Variants in LRP1B observed in about 807,000 individuals in gnomAD.
LRP1B encodes the protein low-density lipoprotein receptor-related protein 1B.
In LRP1B, 217 loss-of-function variants were observed where a neutral mutation model predicts 556.6. The observed-to-expected ratio is 0.39, with a 90% CI of 0.35 to 0.44. The LOEUF (loss-of-function observed/expected upper bound fraction) is 0.44. LRP1B is among the 20% of genes least tolerant of loss of function. The pLI, the probability that LRP1B is intolerant of heterozygous loss-of-function variation, is 1.00. For missense variants in LRP1B, 5,053 were observed against 5,620.8 expected, an observed-to-expected ratio of 0.90 and a Z score of 3.23; for synonymous variants, 2,047 against 1,865.8, an observed-to-expected ratio of 1.10 and a Z score of -2.50.
At chr2:141,432,709 G>A (rs954255126) in intron 3 of LRP1B, among the ~76,000 whole-genome samples, 1 of 151,880 alleles carries the variant, frequency 6.6e-6, no homozygotes, top group African/African-American at 2.4e-5. Context: ...GTTCATGATG[G>A]TTCTTATAAT....
intron 35 of LRP1B, among the ~76,000 whole-genome samples, chr2:140,722,453 A>G (rs1023507411): frequency 6.6e-6 from 1 of 152,198 alleles, no homozygotes; most frequent in African/African-American, 2.4e-5. Context: ...TCTAGAATCT[A>G]TACTTTTTTC....
intron 1 of LRP1B, among the ~76,000 whole-genome samples, chr2:141,944,866 T>C (rs748629364): frequency 2.6e-5 from 4 of 152,176 alleles, no homozygotes; most frequent in Non-Finnish European, 5.9e-5. Flanking sequence ...GGTATGTGTA[T>C]ATACCTTATT....
chr2:140,851,537 T>C, intron 28 of LRP1B, 115 bp downstream of exon 28: 4 of 1,192,262 alleles, frequency 3.4e-6, no homozygotes, highest in Non-Finnish European at 4.7e-6. Flanking sequence ...AAAATATTTT[T>C]GAAAACAGAA....
chr2:140,492,715 A>T, intron 56 of LRP1B, 22 bp from the exon 57 acceptor site: 13 of 1,497,824 alleles, frequency 8.7e-6, no homozygotes, highest in Non-Finnish European at 1.2e-5. Context: ...CACAAATAAC[A>T]TATTAGACTT....
intron 43 of LRP1B, among the ~76,000 whole-genome samples, chr2:140,575,149 A>G (rs1288796016): frequency 6.6e-6 from 1 of 152,144 alleles, no homozygotes; most frequent in South Asian, 2.1e-4. Context: ...GTCCTGAACT[A>G]AGTGTATAGA....
intron 6 of LRP1B, among the ~76,000 whole-genome samples, chr2:141,212,249 ATTT>A (rs59699046): frequency 6.4e-5 from 4 of 62,226 alleles, no homozygotes; most frequent in African/African-American, 2.6e-4. Flanking sequence ...AAAAGTCTAG[ATTT>A]TTTTTTTTTT....
At position 140,541,804 on chromosome 2, in the gene LRP1B, T is replaced by A. The variant is rs757993157; in HGVS notation, c.7362A>T (p.Ile2454=). The A allele has an allele frequency of 6.2e-7, 1 of 1,611,948 alleles. No individual in the cohort carries two copies. Residue 2454 remains isoleucine (I), a synonymous_variant, in exon 44 of 91, where the codon ATA becomes ATT. Coordinates refer to ENST00000389484, the MANE Select transcript of LRP1B (RefSeq NM_018557.3). ...SDIPHQPMGI[I]AVANDTNSCE... ...AGCTATTGGTGTCATTGGCAACAGC[T>A]ATGATTCCCATTGGCTGATGTGGAA...
Position 141,058,971 on chromosome 2 carries a change from G to T in LRP1B, c.1320C>A (p.Asn440Lys), listed in dbSNP as rs1699262590. Reference protein sequence around the residue: ...NSDNYNIVRINRFNGTDIHSL... With the variant: ...NSDNYNIVRIKRFNGTDIHSL... ...AGTGAATATCAGTCCCATTAAATCG[G>T]TTTATCCTTACGATATTGTAGTTAT... is the stretch of plus-strand genomic sequence containing the variant. Residue 440 changes from asparagine (N) to lysine (K), a missense_variant, in exon 9 of 91, where the codon AAC becomes AAA. By Grantham distance (94) the Asn-to-Lys change is moderately conservative. Coordinates refer to ENST00000389484, the MANE Select transcript of LRP1B (RefSeq NM_018557.3). 5 of 1,597,404 alleles carry T rather than the reference G, an allele frequency of 3.1e-6. No individual in the cohort carries two copies. The highest frequency in any genetic ancestry group is 2.3e-5 in the South Asian group (2 of 88,016).
intron 85 of LRP1B, among the ~76,000 whole-genome samples, chr2:140,271,113 ACGC>A (rs1392685502): frequency 6.6e-6 from 1 of 151,964 alleles, no homozygotes; most frequent in East Asian, 1.9e-4. Context: ...ACTGGGAAAA[ACGC>A]AGACATTTTT....
intron 18 of LRP1B, among the ~76,000 whole-genome samples, chr2:140,956,602 T>C (rs1415773167): frequency 2.0e-5 from 3 of 151,896 alleles, no homozygotes; most frequent in East Asian, 1.9e-4. Context: ...TTGGTACTTA[T>C]ATAGGACAGA....
At chr2:140,649,046 C>T (rs1163757114) in intron 41 of LRP1B, among the ~76,000 whole-genome samples, 2 of 152,050 alleles carry the variant, frequency 1.3e-5, no homozygotes, top group Non-Finnish European at 2.9e-5. Context: ...TAGACTTTGA[C>T]CTCCTCAACC....
Position 141,830,144 on chromosome 2 carries a change from T to G in LRP1B, c.83-19743A>C, listed in dbSNP as rs552459872. 3.9e-5 allele frequency among the ~76,000 whole-genome samples: 6 copies of G among 152,092 alleles called. No homozygotes were observed. In the South Asian group the frequency reaches 1.2e-3, roughly 31 times the overall value. On this transcript the variant is annotated intron_variant, in intron 1 of 90. Transcript: ENST00000389484. ...CATATTATATGCTTAATTGATATCATAGTAAGTGCTCCTTCTCTAATAAAA... is the reference window on the plus strand; with the variant it reads ...CATATTATATGCTTAATTGATATCAGAGTAAGTGCTCCTTCTCTAATAAAA...
At chr2:141,444,728 T>A (rs1465022418) in intron 3 of LRP1B, among the ~76,000 whole-genome samples, 2 of 152,224 alleles carry the variant, frequency 1.3e-5, no homozygotes, top group Non-Finnish European at 2.9e-5. Flanking sequence ...GTAAATTATG[T>A]TTATTGATTT....
intron 3 of LRP1B, among the ~76,000 whole-genome samples, chr2:141,338,793 T>C (rs1357092373): frequency 6.6e-6 from 1 of 152,170 alleles, no homozygotes; most frequent in Non-Finnish European, 1.5e-5. Flanking sequence ...AAAATGAAAA[T>C]CTTACTCTGT....
intron 31 of LRP1B, among the ~76,000 whole-genome samples, chr2:140,819,740 A>G (rs1413189241): frequency 6.6e-6 from 1 of 152,224 alleles, no homozygotes; most frequent in Non-Finnish European, 1.5e-5. Flanking sequence ...TGACAATAGG[A>G]TACACTATAT....
chr2:141,596,094 G>A (rs893397099), intron 2 of LRP1B, among the ~76,000 whole-genome samples: 38 of 151,876 alleles, frequency 2.5e-4, no homozygotes, highest in African/African-American at 8.9e-4. Flanking sequence ...GATACCAACA[G>A]ATATAGCGAA....
chr2:141,386,878 T>C (rs1689852349), intron 3 of LRP1B, among the ~76,000 whole-genome samples: 1 of 151,992 alleles, frequency 6.6e-6, no homozygotes, highest in African/African-American at 2.4e-5. Context: ...TATAGAATAT[T>C]CCACCAGCAT....
chr2:141,393,435 C>T (rs1690127611), intron 3 of LRP1B, among the ~76,000 whole-genome samples: 1 of 152,104 alleles, frequency 6.6e-6, no homozygotes, highest in South Asian at 2.1e-4. Context: ...TTTCCCAGGC[C>T]CAATTAGCAT....
chr2:140,491,346 G>A (rs1688690901), intron 57 of LRP1B, among the ~76,000 whole-genome samples: 1 of 151,912 alleles, frequency 6.6e-6, no homozygotes, highest in African/African-American at 2.4e-5. Context: ...AGAATGTTAT[G>A]TACATATGTG....
Sources: gnomAD v4.1 joint callset for allele counts (sites outside exome capture counted in the v4.1 genomes callset) on GRCh38, gnomAD v4.1.1 for gene constraint, MANE v1.5 for transcripts, NCBI Gene and HGNC (gene_info 2026-07-23, HGNC 2026-07-21) for gene names.